The following ALMS1 variants were observed in gnomAD, a reference collection of about 807,000 sequenced individuals.
The protein encoded by ALMS1 is centrosome-associated protein ALMS1.
Under a neutral mutation model 352.2 loss-of-function variants are expected in ALMS1, and 271 were observed. The ratio of observed to expected loss-of-function variants is 0.77; its 90% CI spans 0.70 to 0.85. The LOEUF (loss-of-function observed/expected upper bound fraction) is 0.85. ALMS1 is among the 40% of genes least tolerant of loss of function. The pLI, the probability that ALMS1 is intolerant of heterozygous loss-of-function variation, is 0.00. For synonymous variants in ALMS1, 1,865 were observed against 1,761.2 expected, an observed-to-expected ratio of 1.06 and a Z score of -1.48; for missense variants, 5,445 against 4,870.7, an observed-to-expected ratio of 1.12 and a Z score of -3.51.
intron 7 of ALMS1, among the ~76,000 whole-genome samples, chr2:73,440,339 T>C (rs992484324): frequency 6.6e-6 from 1 of 152,202 alleles, no homozygotes; most frequent in Admixed American, 6.5e-5. Context: ...TTCTTTAATC[T>C]GTAAGTTTAT....
chr2:73,421,887 T>G (rs1671291664), intron 3 of ALMS1, among the ~76,000 whole-genome samples: 2 of 152,154 alleles, frequency 1.3e-5, no homozygotes, highest in South Asian at 2.1e-4. Context: ...GCAGGCATTC[T>G]GAAATCAAGA....
intron 12 of ALMS1, among the ~76,000 whole-genome samples, chr2:73,537,696 G>A (rs904549775): frequency 2.6e-5 from 4 of 152,190 alleles, no homozygotes; most frequent in African/African-American, 4.8e-5. Flanking sequence ...GGTTTCCAGA[G>A]TTGGCGCATT....
chr2:73,587,098 A>G (rs926693819), intron 16 of ALMS1, among the ~76,000 whole-genome samples: 2 of 152,182 alleles, frequency 1.3e-5, no homozygotes, highest in African/African-American at 4.8e-5. Flanking sequence ...GGTGCATAGC[A>G]GTGCTACTGA....
intron 7 of ALMS1, among the ~76,000 whole-genome samples, chr2:73,447,269 A>G (rs1418249992): frequency 3.3e-5 from 5 of 152,174 alleles, no homozygotes; most frequent in Non-Finnish European, 7.3e-5. Flanking sequence ...GGATTGTGCA[A>G]CCTAGATTTT....
chr2:73,542,668 A>T (rs924165926), intron 12 of ALMS1, among the ~76,000 whole-genome samples: 11 of 152,314 alleles, frequency 7.2e-5, no homozygotes, highest in Admixed American at 2.6e-4. Flanking sequence ...CAGCAAAGTC[A>T]CAGGATACAA....
chr2:73,552,328 T>TA (rs1342013181), intron 13 of ALMS1, among the ~76,000 whole-genome samples: 3 of 152,240 alleles, frequency 2.0e-5, no homozygotes, highest in African/African-American at 7.2e-5. Context: ...GAAATAATTT[T>TA]ACAAAATATA....
At chr2:73,573,552 G>A in intron 16 of ALMS1, 128 bp downstream of exon 16, 1 of 940,440 alleles carries the variant, frequency 1.1e-6, no homozygotes, top group Non-Finnish European at 1.7e-6. Context: ...CTTACCAACT[G>A]GAAAAGAGTG....
At chr2:73,402,260 T>TTCTC (rs199906776) in intron 1 of ALMS1, among the ~76,000 whole-genome samples, 1 of 149,562 alleles carries the variant, frequency 6.7e-6, no homozygotes, top group African/African-American at 2.5e-5. Flanking sequence ...TTTTCTTTCT[T>TTCTC]TCTCTCTCTC....
At chr2:73,397,365 T>G (rs1293715464) in intron 1 of ALMS1, among the ~76,000 whole-genome samples, 4 of 151,996 alleles carry the variant, frequency 2.6e-5, no homozygotes, top group Non-Finnish European at 4.4e-5. Flanking sequence ...AGAAGAGTTT[T>G]GATTTTTTAG....
chr2:73,556,644 TG>T (rs1236755637), intron 13 of ALMS1, among the ~76,000 whole-genome samples: 25 of 87,356 alleles, frequency 2.9e-4, no homozygotes, highest in African/African-American at 1.1e-3. Context: ...TTTTTTTTTT[TG>T]TTTTTTTTTT....
At chr2:73,539,788 A>C (rs907546601) in intron 12 of ALMS1, among the ~76,000 whole-genome samples, 3 of 152,234 alleles carry the variant, frequency 2.0e-5, no homozygotes, top group Admixed American at 6.5e-5. Flanking sequence ...ATGGAAGATC[A>C]GATGAATGAA....
rs778267451 is a variant in ALMS1 at position 73,451,837 on chromosome 2, G to A, written c.5310G>A (p.Gln1770=). The change falls in exon 8 of 23, where the codon CAG becomes CAA. Residue 1770 remains glutamine (Q), a synonymous_variant. Coordinates refer to ENST00000613296, the MANE Select transcript of ALMS1 (RefSeq NM_001378454.1). ...SHTEKPNISY[Q]QELPDSHLTE... ...CAGAGAAGCCTAATATTTCTTACCA[G>A]CAAGAGTTGCCAGATAGTCATCTAA... 6.2e-7 allele frequency: 1 copy of A among 1,613,766 alleles called. No individual in the cohort carries two copies. The highest frequency in any genetic ancestry group is 1.7e-5 in the Admixed American group (1 of 60,006).
chr2:73,389,071 G>A (rs555616159), intron 1 of ALMS1, among the ~76,000 whole-genome samples: 2 of 152,152 alleles, frequency 1.3e-5, no homozygotes, highest in South Asian at 2.1e-4. Flanking sequence ...CAGTGTATAC[G>A]TGTTCCCTTT....
chr2:73,519,100 C>T (rs1359179763), intron 10 of ALMS1, among the ~76,000 whole-genome samples: 1 of 152,140 alleles, frequency 6.6e-6, no homozygotes, highest in Non-Finnish European at 1.5e-5. Flanking sequence ...TGCTAGGTGT[C>T]TCCAAGATGG....
At chr2:73,585,216 A>G (rs1675283519) in intron 16 of ALMS1, among the ~76,000 whole-genome samples, 1 of 152,136 alleles carries the variant, frequency 6.6e-6, no homozygotes, top group Non-Finnish European at 1.5e-5. Context: ...GTTTTGCATA[A>G]TGGTTATACT....
chr2:73,455,742 A>C (rs1672046313), intron 9 of ALMS1, among the ~76,000 whole-genome samples: 1 of 152,234 alleles, frequency 6.6e-6, no homozygotes, highest in Non-Finnish European at 1.5e-5. Context: ...TAAGTATTAG[A>C]TTCTTACAGT....
chr2:73,410,403 A>G (rs551470128), intron 2 of ALMS1, among the ~76,000 whole-genome samples: 1 of 152,088 alleles, frequency 6.6e-6, no homozygotes, highest in Admixed American at 6.5e-5. Flanking sequence ...AAAGCAAAAA[A>G]ACCCAAGAAA....
intron 1 of ALMS1, among the ~76,000 whole-genome samples, chr2:73,405,875 T>G (rs976119420): frequency 7.9e-5 from 12 of 152,212 alleles, no homozygotes; most frequent in Non-Finnish European, 1.2e-4. Context: ...CACTTTTCTT[T>G]CTGCAGCTAC....
At chr2:73,444,561 A>G (rs551888639) in intron 7 of ALMS1, among the ~76,000 whole-genome samples, 2 of 152,370 alleles carry the variant, frequency 1.3e-5, no homozygotes, top group African/African-American at 4.8e-5. Context: ...ATTACAGGCT[A>G]TAATGTTAGC....
Sources: allele counts gnomAD v4.1 joint callset (sites outside exome capture counted in the v4.1 genomes callset), GRCh38; gene constraint gnomAD v4.1.1; transcripts MANE v1.5; gene names NCBI Gene and HGNC (gene_info 2026-07-23, HGNC 2026-07-21).